Variants in ABLIM1 observed in about 807,000 individuals in gnomAD.
ABLIM1 encodes actin-binding LIM protein 1.
A neutral mutation model predicts 107.0 loss-of-function variants in ABLIM1; 40 were observed. The ratio of observed to expected loss-of-function variants is 0.37; its 90% CI spans 0.29 to 0.49. The LOEUF (loss-of-function observed/expected upper bound fraction) is 0.49. Among genes scored for constraint, ABLIM1 ranks in the 20% least tolerant of loss-of-function variants. The pLI, the probability that ABLIM1 is intolerant of heterozygous loss-of-function variation, is 0.97. For synonymous variants in ABLIM1, 357 were observed against 357.3 expected, an observed-to-expected ratio of 1.00 and a Z score of 0.01; for missense variants, 857 against 1,008.5, an observed-to-expected ratio of 0.85 and a Z score of 2.04.
exon 1 of ABLIM1, chr10:114,684,338 C>G: frequency 6.2e-7 from 1 of 1,614,140 alleles, no homozygotes. Context: ...TCAGTCATTT[C>G]CAAGGTCATT....
chr10:114,641,398 A>G (rs2078747409), intron 1 of ABLIM1, among the ~76,000 whole-genome samples: 1 of 152,136 alleles, frequency 6.6e-6, no homozygotes. Context: ...AGGTGTTGGG[A>G]TATCACAGCA....
chr10:114,717,987 AAAGAAAGGAAGG>A (rs1326576890), intron 1 of ABLIM1, among the ~76,000 whole-genome samples: 12 of 102,002 alleles, frequency 1.2e-4, no homozygotes, highest in African/African-American at 4.4e-4. Context: ...AGAAAGAAAG[AAAGAAAGGAAGG>A]AAGGAAGGAA....
intron 10 of ABLIM1, among the ~76,000 whole-genome samples, chr10:114,469,159 C>T (rs758352062): frequency 1.3e-5 from 2 of 151,782 alleles, no homozygotes; most frequent in African/African-American, 2.4e-5. Flanking sequence ...ATTCAAACTA[C>T]GCTCATTTTA....
At chr10:114,654,105 C>T (rs1254096332) in intron 1 of ABLIM1, among the ~76,000 whole-genome samples, 1 of 152,194 alleles carries the variant, frequency 6.6e-6, no homozygotes, top group Non-Finnish European at 1.5e-5. Context: ...TCTGGGGCTT[C>T]GTAGCACAGG....
chr10:114,679,756 C>T (rs1211800135), intron 1 of ABLIM1, among the ~76,000 whole-genome samples: 1 of 152,020 alleles, frequency 6.6e-6, no homozygotes, highest in Non-Finnish European at 1.5e-5. Context: ...AACAGAAATG[C>T]CCCAGTTTTC....
At chr10:114,597,256 TAA>T (rs1246529103) in intron 2 of ABLIM1, among the ~76,000 whole-genome samples, 1 of 152,152 alleles carries the variant, frequency 6.6e-6, no homozygotes, top group African/African-American at 2.4e-5. Flanking sequence ...TTATAAAAAG[TAA>T]AGACGCTAAG....
intron 1 of ABLIM1, among the ~76,000 whole-genome samples, chr10:114,732,987 G>A (rs760958463): frequency 6.6e-6 from 1 of 152,094 alleles, no homozygotes; most frequent in Non-Finnish European, 1.5e-5. Context: ...TGTCCATCTA[G>A]CGTAAATATA....
At chr10:114,730,773 C>T (rs977273281) in intron 1 of ABLIM1, among the ~76,000 whole-genome samples, 3 of 152,120 alleles carry the variant, frequency 2.0e-5, no homozygotes, top group Non-Finnish European at 4.4e-5. Flanking sequence ...TGTAATATTT[C>T]ATCACACCAA....
intron 1 of ABLIM1, among the ~76,000 whole-genome samples, chr10:114,743,006 G>T (rs1566294505): frequency 6.6e-6 from 1 of 152,164 alleles, no homozygotes; most frequent in Non-Finnish European, 1.5e-5. Context: ...TTAGAACATT[G>T]CTTGGCACAT....
chr10:114,717,991 A>AAAGAAAGG (rs570354803), intron 1 of ABLIM1, among the ~76,000 whole-genome samples: 66 of 86,850 alleles, frequency 7.6e-4, no homozygotes, highest in African/African-American at 1.9e-3. Context: ...AGAAAGAAAG[A>AAAGAAAGG]AAGGAAGGAA....
intron 1 of ABLIM1, among the ~76,000 whole-genome samples, chr10:114,741,720 G>T (rs868079058): frequency 2.6e-5 from 4 of 152,292 alleles, no homozygotes; most frequent in Middle Eastern, 6.8e-3. Flanking sequence ...CACAAAATAA[G>T]TATATGGATA....
At chr10:114,590,771 T>C (rs1380990285) in intron 2 of ABLIM1, among the ~76,000 whole-genome samples, 1 of 152,142 alleles carries the variant, frequency 6.6e-6, no homozygotes, top group African/African-American at 2.4e-5. Flanking sequence ...AGAAGTCAAT[T>C]TGAAGGTACC....
chr10:114,584,625 G>GCTA (rs2073987673), intron 2 of ABLIM1, among the ~76,000 whole-genome samples: 2 of 152,224 alleles, frequency 1.3e-5, no homozygotes, highest in South Asian at 4.2e-4. Flanking sequence ...AATATCTTTT[G>GCTA]CTAATGCATT....
the ABLIM1 span, among the ~76,000 whole-genome samples, chr10:114,780,787 G>A: frequency 1.6e-3 from 236 of 152,204 alleles, 2 homozygotes; most frequent in Middle Eastern, 3.4e-3. Context: ...TTGACTGCAT[G>A]GTAAAACAAG....
At chr10:114,526,303 G>A (rs2064733548) in intron 6 of ABLIM1, among the ~76,000 whole-genome samples, 1 of 152,002 alleles carries the variant, frequency 6.6e-6, no homozygotes, top group African/African-American at 2.4e-5. Flanking sequence ...CAACCCCAAA[G>A]TCTGAAAACC....
intron 1 of ABLIM1, among the ~76,000 whole-genome samples, chr10:114,702,859 A>G (rs542312536): frequency 7.9e-5 from 12 of 152,136 alleles, no homozygotes; most frequent in African/African-American, 2.2e-4. Flanking sequence ...TAATAAATCA[A>G]CTCCACCAAT....
At chr10:114,592,032 T>G (rs1378355063) in intron 2 of ABLIM1, among the ~76,000 whole-genome samples, 1 of 152,160 alleles carries the variant, frequency 6.6e-6, no homozygotes, top group African/African-American at 2.4e-5. Context: ...CCCCTATAAG[T>G]TTGGCTTTTT....
intron 1 of ABLIM1, among the ~76,000 whole-genome samples, chr10:114,722,423 C>T (rs2081868619): frequency 6.6e-6 from 1 of 152,142 alleles, no homozygotes; most frequent in African/African-American, 2.4e-5. Context: ...CCCACCAGGC[C>T]CCTCCTTCAG....
chr10:114,606,276 G>A (rs1306185042), intron 1 of ABLIM1, among the ~76,000 whole-genome samples: 1 of 151,692 alleles, frequency 6.6e-6, no homozygotes, highest in Non-Finnish European at 1.5e-5. Context: ...TTGCTCTGTC[G>A]CCAGGCTGGA....
Sources: allele counts gnomAD v4.1 joint callset (sites outside exome capture counted in the v4.1 genomes callset), GRCh38; gene constraint gnomAD v4.1.1; transcripts MANE v1.5; gene names NCBI Gene and HGNC (gene_info 2026-07-23, HGNC 2026-07-21).